The following ZNF221 variants were observed in gnomAD, a reference collection of about 807,000 sequenced individuals.
ZNF221 encodes zinc finger protein 221.
ZNF221 carries 10 observed loss-of-function variants against 12.6 expected under a neutral mutation model. The observed-to-expected ratio is 0.79, with a 90% CI of 0.49 to 1.34. The LOEUF (loss-of-function observed/expected upper bound fraction) is 1.34, where lower values mean the gene tolerates loss of function less well. Ranked by LOEUF, ZNF221 falls within the 40% of genes most tolerant of loss-of-function variation. The probability of loss-of-function intolerance (pLI) is 0.00; values close to 1 mark genes in which losing one functional copy is unlikely to be tolerated. For missense variants in ZNF221, 661 were observed against 721.4 expected, an observed-to-expected ratio of 0.92 and a Z score of 0.96; for synonymous variants, 232 against 244.0, an observed-to-expected ratio of 0.95 and a Z score of 0.46.
the ZNF221 span, among the ~76,000 whole-genome samples, chr19:43,976,158 A>G: frequency 2.0e-5 from 3 of 151,942 alleles, no homozygotes; most frequent in Non-Finnish European, 4.4e-5. Flanking sequence ...CAGCCTCCCA[A>G]AGTGCTTGAA....
intron 1 of ZNF221, among the ~76,000 whole-genome samples, chr19:43,956,546 G>C (rs1189925345): frequency 7.9e-6 from 1 of 127,042 alleles, no homozygotes; most frequent in Non-Finnish European, 1.7e-5. Flanking sequence ...CAGCAGGAGG[G>C]GATTGAGCCA....
chr19:43,980,619 T>C, the ZNF221 span, among the ~76,000 whole-genome samples: 2 of 152,246 alleles, frequency 1.3e-5, no homozygotes, highest in African/African-American at 4.8e-5. Context: ...ATAAATCTTA[T>C]AATAATTCAT....
At chr19:43,965,683 A>G in intron 4 of ZNF221, 121 bp from the exon 5 acceptor site, 1 of 941,786 alleles carries the variant, frequency 1.1e-6, no homozygotes, top group Non-Finnish European at 1.6e-6. Flanking sequence ...TGCACTCGGA[A>G]AACATGAACT....
In ZNF221 at chr19:43,965,887, A is replaced by G; in HGVS notation, c.385A>G (p.Ile129Val). Reference sequence around the variant, plus strand: ...GTCCTGTCAGCAAATATGGGAACAAATTGCAAGTGACCTAACCAGGTCTCA... The same window carrying G: ...GTCCTGTCAGCAAATATGGGAACAAGTTGCAAGTGACCTAACCAGGTCTCA... ...EWSCQQIWEQ[I>V]ASDLTRSQNS... Residue 129 changes from isoleucine (I) to valine (V), a missense_variant, in exon 5 of 5, where the codon ATT becomes GTT. Physicochemically the swap from Ile to Val is conservative, Grantham distance 29 (BLOSUM62 3). Transcript: ENST00000587682. The G allele has an allele frequency of 6.2e-7, 1 of 1,614,170 alleles. No homozygotes were observed. The highest frequency in any genetic ancestry group is 8.5e-7 in the Non-Finnish European group (1 of 1,180,000).
At chr19:43,968,916 G>C (rs1024818535), downstream of ZNF221, among the ~76,000 whole-genome samples, 1 of 152,182 alleles carries the variant, frequency 6.6e-6, no homozygotes, top group African/African-American at 2.4e-5. Flanking sequence ...CAGGGCCTTG[G>C]GTTTGATACA....
chr19:43,960,903 C>T (rs1974831918), intron 1 of ZNF221, among the ~76,000 whole-genome samples: 2 of 152,214 alleles, frequency 1.3e-5, no homozygotes, highest in Non-Finnish European at 2.9e-5. Flanking sequence ...CAGAGAACCT[C>T]TACCAGGGCA....
rs1266693676 is a variant in ZNF221 at position 43,967,394 on chromosome 19, A to G, written c.*38A>G. On this transcript the variant is annotated 3_prime_UTR_variant, in exon 5 of 5. Coordinates refer to ENST00000587682, the MANE Select transcript of ZNF221 (RefSeq NM_001297588.2). ...TGGGAAGGGCTTTGGCTGGGCCTCA[A>G]CTCATCTGACCCATCAATTCTCCAC... 6.7e-7 allele frequency: 1 copy of G among 1,486,368 alleles called. No individual in the cohort carries two copies. The highest frequency in any genetic ancestry group is 9.3e-7 in the Non-Finnish European group (1 of 1,080,708). 92.1% of individuals were successfully genotyped at this position (1,486,368 alleles called of 1,614,324 possible).
chr19:43,970,984 A>G (rs966174713), downstream of ZNF221, among the ~76,000 whole-genome samples: 2 of 152,228 alleles, frequency 1.3e-5, no homozygotes, highest in Admixed American at 6.5e-5. Context: ...CAAGGTCAAA[A>G]TTAAAAAATG....
chr19:43,979,945 G>A, the ZNF221 span, among the ~76,000 whole-genome samples: 1 of 152,178 alleles, frequency 6.6e-6, no homozygotes, highest in African/African-American at 2.4e-5. Flanking sequence ...ATAAATATAT[G>A]CCAAATATAT....
chr19:43,964,539 T>C (rs1314647875), intron 2 of ZNF221, among the ~76,000 whole-genome samples: 1 of 152,136 alleles, frequency 6.6e-6, no homozygotes, highest in Admixed American at 6.6e-5. Flanking sequence ...ACAGTTTGAG[T>C]ATGAAAGGAA....
At chr19:43,975,819 T>A in the ZNF221 span, among the ~76,000 whole-genome samples, 1 of 152,200 alleles carries the variant, frequency 6.6e-6, no homozygotes, top group Admixed American at 6.5e-5. Flanking sequence ...TTATTTTGAT[T>A]ATTATCTTAT....
intron 1 of ZNF221, among the ~76,000 whole-genome samples, chr19:43,954,152 A>G (rs557340029): frequency 6.6e-6 from 1 of 150,532 alleles, no homozygotes; most frequent in Non-Finnish European, 1.5e-5. Flanking sequence ...AATCCCATTT[A>G]GTCACATTAA....
the ZNF221 span, among the ~76,000 whole-genome samples, chr19:43,975,649 T>C: frequency 6.6e-6 from 1 of 152,146 alleles, no homozygotes. Context: ...CATTTACCTA[T>C]GTAACAAACC....
chr19:43,960,298 G>A (rs1974822706), intron 1 of ZNF221: 1 of 152,162 alleles, frequency 6.6e-6, no homozygotes, highest in African/African-American at 2.4e-5. Context: ...GCTTCAAACA[G>A]CCTACAATTA....
downstream of ZNF221, among the ~76,000 whole-genome samples, chr19:43,971,645 TAAA>T (rs55735919): frequency 0.014 from 2,048 of 148,600 alleles, 43 homozygotes; most frequent in African/African-American, 0.043. Flanking sequence ...CCAACAAAGA[TAAA>T]AAAAAAAAAA....
the ZNF221 span, among the ~76,000 whole-genome samples, chr19:43,980,268 T>C: frequency 6.6e-6 from 1 of 152,240 alleles, no homozygotes; most frequent in South Asian, 2.1e-4. Flanking sequence ...AGGATTCTCT[T>C]GCAAGTAAAC....
the ZNF221 span, among the ~76,000 whole-genome samples, chr19:43,975,661 G>C: frequency 2.6e-5 from 4 of 152,064 alleles, no homozygotes; most frequent in Non-Finnish European, 5.9e-5. Flanking sequence ...TAACAAACCT[G>C]CACATCCTGC....
chr19:43,967,637 C>A lies in ZNF221; in HGVS notation c.*281C>A, dbSNP rs1975007601. The A allele has an allele frequency of 3.1e-6, 1 of 321,524 alleles. No homozygotes were observed. Among genetic ancestry groups the A allele is most frequent in the Non-Finnish European group, 5.7e-6 (1 of 175,084 alleles). The allele number at this position is 321,524 out of a possible 1,614,324, so 19.9% of individuals were successfully genotyped here. On this transcript the variant is annotated 3_prime_UTR_variant, in exon 5 of 5. Coordinates refer to ENST00000587682, the MANE Select transcript of ZNF221 (RefSeq NM_001297588.2). ...GGGACTACAGGTGCCCGCCACCACA[C>A]CCAGCTAATTTTTTGTATTTTTAGT...
At chr19:43,954,897 T>C (rs917927786) in intron 1 of ZNF221, among the ~76,000 whole-genome samples, 1 of 151,944 alleles carries the variant, frequency 6.6e-6, no homozygotes, top group African/African-American at 2.4e-5. Context: ...ACCAGAAAAA[T>C]AGAGAAATTG....
Sources: gnomAD v4.1 joint callset for allele counts (sites outside exome capture counted in the v4.1 genomes callset) on GRCh38, gnomAD v4.1.1 for gene constraint, MANE v1.5 for transcripts, NCBI Gene and HGNC (gene_info 2026-07-23, HGNC 2026-07-21) for gene names.